Variants in MSI2 observed in about 807,000 individuals in gnomAD.
MSI2 encodes RNA-binding protein Musashi homolog 2.
MSI2 carries 17 observed loss-of-function variants against 45.6 expected under a neutral mutation model. That is an observed-to-expected ratio of 0.37 (90% CI 0.26 to 0.56). The LOEUF (loss-of-function observed/expected upper bound fraction) is 0.56, where lower values mean the gene tolerates loss of function less well. Ranked by LOEUF, MSI2 falls within the 20% of genes least tolerant of loss-of-function variation. The pLI is 0.77. For synonymous variants in MSI2, 156 were observed against 158.2 expected (o/e 0.99, Z 0.11); for missense variants, 293 against 444.2 (o/e 0.66, Z 3.06).
At chr17:57,355,522 T>C (rs751617196) in intron 5 of MSI2, among the ~76,000 whole-genome samples, 16 of 152,292 alleles carry the variant, frequency 1.1e-4, no homozygotes, top group Non-Finnish European at 2.4e-4. Flanking sequence ...GACCTTTCTG[T>C]TAGGGATGCG....
In MSI2 at chr17:57,529,608, T is replaced by C. The variant is rs1279200845; in HGVS notation, c.406-68T>C. 6 of 1,397,014 alleles carry C rather than the reference T, an allele frequency of 4.3e-6. No individual in the cohort carries two copies. Among genetic ancestry groups the C allele is most frequent in the Non-Finnish European group, 4.0e-6 (4 of 988,134 alleles). 86.5% of individuals were successfully genotyped at this position (1,397,014 alleles called of 1,614,324 possible). On this transcript the variant is annotated intron_variant, in intron 6 of 13. Coordinates refer to ENST00000284073, the MANE Select transcript of MSI2 (RefSeq NM_138962.4). The surrounding 1 kb of genome is among the most constrained non-coding windows in gnomAD (Gnocchi z 5.3). ...GAAACTACCCCCTCACCCCCCGACATGCATATAATGTTTTGTGTACTTTCT... is the reference window on the plus strand; with the variant it reads ...GAAACTACCCCCTCACCCCCCGACACGCATATAATGTTTTGTGTACTTTCT...
At chr17:57,536,867 A>G (rs1443070976) in intron 7 of MSI2, among the ~76,000 whole-genome samples, 1 of 152,176 alleles carries the variant, frequency 6.6e-6, no homozygotes. Context: ...GGGTTAGGTG[A>G]AAATCCAGTT....
intron 9 of MSI2, among the ~76,000 whole-genome samples, chr17:57,625,280 G>A (rs543532494): frequency 1.0e-3 from 152 of 152,320 alleles, no homozygotes; most frequent in Non-Finnish European, 1.9e-3. Flanking sequence ...CTTCAGACCC[G>A]TGAGTTTCTG....
At chr17:57,401,952 A>G (rs1008246135) in intron 6 of MSI2, among the ~76,000 whole-genome samples, 2 of 152,190 alleles carry the variant, frequency 1.3e-5, no homozygotes, top group African/African-American at 4.8e-5. Flanking sequence ...CTCGGAAACC[A>G]TGCGAGGCCT....
intron 10 of MSI2, among the ~76,000 whole-genome samples, chr17:57,642,116 G>A (rs1910308434): frequency 6.6e-6 from 1 of 152,228 alleles, no homozygotes. Context: ...GGCCTCTGAA[G>A]TCAGGGATCT....
chr17:57,270,700 G>T (rs1228387577), intron 5 of MSI2, among the ~76,000 whole-genome samples: 2 of 152,204 alleles, frequency 1.3e-5, no homozygotes, highest in Non-Finnish European at 2.9e-5. Context: ...CTGAGCTACT[G>T]CATATGAATG....
chr17:57,455,565 T>G (rs1224901710), intron 6 of MSI2, among the ~76,000 whole-genome samples: 1 of 152,176 alleles, frequency 6.6e-6, no homozygotes, highest in Non-Finnish European at 1.5e-5. Context: ...ACAAGCGCAG[T>G]TCTCTCTCCT....
intron 7 of MSI2, among the ~76,000 whole-genome samples, chr17:57,565,669 T>TAACA: frequency 8.8e-6 from 1 of 113,646 alleles, no homozygotes; most frequent in Admixed American, 8.6e-5. Flanking sequence ...CCCCCTCGAC[T>TAACA]AACACCCATG....
intron 5 of MSI2, among the ~76,000 whole-genome samples, chr17:57,334,702 G>A (rs112555049): frequency 0.014 from 2,101 of 152,042 alleles, 59 homozygotes; most frequent in African/African-American, 0.049. Context: ...GCTGAGGCAG[G>A]AGAATCACTT....
intron 5 of MSI2, among the ~76,000 whole-genome samples, chr17:57,310,844 C>T (rs1412023148): frequency 1.3e-5 from 2 of 152,140 alleles, no homozygotes; most frequent in East Asian, 1.9e-4. Flanking sequence ...GTGGCAGCAC[C>T]GCAGAGCGCC....
At chr17:57,416,593 C>T (rs2084298714) in intron 6 of MSI2, among the ~76,000 whole-genome samples, 1 of 152,162 alleles carries the variant, frequency 6.6e-6, no homozygotes, top group African/African-American at 2.4e-5. Context: ...GTGTGTCCGC[C>T]CATATTTTAC....
chr17:57,620,842 A>G (rs570909889), intron 9 of MSI2, among the ~76,000 whole-genome samples: 2 of 152,318 alleles, frequency 1.3e-5, no homozygotes, highest in African/African-American at 4.8e-5. Context: ...CAGCTCAGCC[A>G]GAGGTCCAGG....
chr17:57,365,095 A>G (rs750478224), intron 5 of MSI2: 2 of 152,192 alleles, frequency 1.3e-5, no homozygotes, highest in African/African-American at 2.4e-5. Flanking sequence ...TTTCGTAAGA[A>G]AATATTTGCG....
chr17:57,682,139 AGG>A lies in MSI2; in HGVS notation c.*2623_*2624del, dbSNP rs1913642797. 1.0e-5 allele frequency: 2 copies of A among 195,438 alleles called. No individual in the cohort carries two copies. Among genetic ancestry groups the A allele is most frequent in the Non-Finnish European group, 2.1e-5 (2 of 94,192 alleles). 12.1% of individuals were successfully genotyped at this position (195,438 alleles called of 1,614,324 possible). On this transcript the variant is annotated 3_prime_UTR_variant, in exon 14 of 14. Coordinates refer to ENST00000284073, the MANE Select transcript of MSI2 (RefSeq NM_138962.4). ...TAGTTATTCAGATTTAGGACCAGTA[AGG>A]ATAGAACTTTCTCTTATTTATGAAA...
intron 6 of MSI2, among the ~76,000 whole-genome samples, chr17:57,475,731 C>T (rs1052875878): frequency 2.0e-5 from 3 of 152,076 alleles, no homozygotes; most frequent in Non-Finnish European, 2.9e-5. Context: ...GGAGTCCTTT[C>T]TGAGGAGCCC....
chr17:57,283,299 C>T (rs967183544), intron 5 of MSI2, among the ~76,000 whole-genome samples: 1 of 152,144 alleles, frequency 6.6e-6, no homozygotes, highest in Non-Finnish European at 1.5e-5. Flanking sequence ...CGCACAGGGT[C>T]AGTCAGTAAT....
At chr17:57,561,802 T>C (rs1323335741) in intron 7 of MSI2, among the ~76,000 whole-genome samples, 1 of 152,254 alleles carries the variant, frequency 6.6e-6, no homozygotes, top group East Asian at 1.9e-4. Context: ...ATGAGAACTT[T>C]AGAGGCCTGG....
intron 6 of MSI2, among the ~76,000 whole-genome samples, chr17:57,416,552 G>A (rs535513682): frequency 1.2e-4 from 19 of 152,152 alleles, no homozygotes; most frequent in African/African-American, 4.1e-4. Context: ...GATTTTTCTC[G>A]TACTGTCTGT....
intron 6 of MSI2, among the ~76,000 whole-genome samples, chr17:57,402,386 C>G (rs2084009652): frequency 6.6e-6 from 1 of 152,312 alleles, no homozygotes; most frequent in South Asian, 2.1e-4. Context: ...GGGACAGTCT[C>G]CTCCTGACAG....
Sources: gnomAD v4.1 joint callset for allele counts (sites outside exome capture counted in the v4.1 genomes callset) on GRCh38, gnomAD v4.1.1 for gene constraint, Gnocchi (gnomAD v3.1) non-coding constraint, MANE v1.5 for transcripts, NCBI Gene and HGNC (gene_info 2026-07-23, HGNC 2026-07-21) for gene names.